TMTC1: variants seen among roughly 807,000 people sequenced by gnomAD.
TMTC1 encodes the protein transmembrane O-mannosyltransferase targeting cadherins 1.
TMTC1 carries 73 observed loss-of-function variants against 104.8 expected under a neutral mutation model. That is an observed-to-expected ratio of 0.70 (90% CI 0.58 to 0.85). The LOEUF (loss-of-function observed/expected upper bound fraction) is 0.85, where lower values mean the gene tolerates loss of function less well. Among genes scored for constraint, TMTC1 ranks in the 40% least tolerant of loss-of-function variants. TMTC1 has a pLI of 0.00. For missense variants in TMTC1, 1,035 were observed against 1,096.1 expected (o/e 0.94, Z 0.79); for synonymous variants, 434 against 428.7 (o/e 1.01, Z -0.15).
chr12:29,734,283 G>A (rs115321020), intron 5 of TMTC1, among the ~76,000 whole-genome samples: 2 of 152,274 alleles, frequency 1.3e-5, no homozygotes, highest in African/African-American at 2.4e-5. Context: ...GAAATACCCT[G>A]CTGAGTTTGC....
intron 7 of TMTC1, among the ~76,000 whole-genome samples, chr12:29,591,852 T>C (rs573256190): frequency 1.3e-5 from 2 of 152,340 alleles, no homozygotes; most frequent in South Asian, 4.1e-4. Flanking sequence ...AGCGAATTGT[T>C]GTGTAATAGT....
Position 29,739,715 on chromosome 12 carries a change from G to GT in TMTC1, c.938+11950dup, listed in dbSNP as rs202200729. Among the ~76,000 whole-genome samples the GT allele has an allele frequency of 5.5e-3, 828 of 150,506 alleles. 13 individuals are homozygous for GT. Among genetic ancestry groups the GT allele is most frequent in the African/African-American group, 0.018 (727 of 40,990 alleles). ...AAATTTTAAAAAGTCAATCTTTTTT[G>GT]TTTTTTTTTCCGAGATGGGGTCTTG... On this transcript the variant is annotated intron_variant, in intron 5 of 17. Coordinates refer to ENST00000539277, the MANE Select transcript of TMTC1 (RefSeq NM_001193451.2).
At chr12:29,648,092 A>T (rs1474701675) in intron 5 of TMTC1, among the ~76,000 whole-genome samples, 2 of 152,236 alleles carry the variant, frequency 1.3e-5, no homozygotes, top group Non-Finnish European at 2.9e-5. Flanking sequence ...AGATACTTAC[A>T]GAAACAGAAG....
Position 29,553,165 on chromosome 12 carries a change from T to C in TMTC1, c.1676+3692A>G, listed in dbSNP as rs1368386191. Among the ~76,000 whole-genome samples the C allele has an allele frequency of 2.0e-5, 3 of 152,092 alleles. No individual in the cohort carries two copies. In the East Asian group the frequency reaches 5.8e-4, roughly 29 times the overall value. ...TGGATTGGAAAGCTATTTGGGCACG[T>C]GGGTAATGGAAAGTGAACAGGAAAA... On this transcript the variant is annotated intron_variant, in intron 10 of 17. Coordinates refer to ENST00000539277, the MANE Select transcript of TMTC1 (RefSeq NM_001193451.2).
chr12:29,552,973 TCA>T (rs1305594571), intron 10 of TMTC1, among the ~76,000 whole-genome samples: 6 of 152,208 alleles, frequency 3.9e-5, no homozygotes, highest in Non-Finnish European at 8.8e-5. Context: ...GAAATAAAGC[TCA>T]GTTATCTAAG....
chr12:29,554,081 A>T (rs898573241), intron 10 of TMTC1, among the ~76,000 whole-genome samples: 1 of 152,206 alleles, frequency 6.6e-6, no homozygotes, highest in African/African-American at 2.4e-5. Context: ...TATAACCAGT[A>T]CGTTATTTGG....
chr12:29,602,773 T>C (rs1461589038), intron 7 of TMTC1, among the ~76,000 whole-genome samples: 1 of 152,224 alleles, frequency 6.6e-6, no homozygotes, highest in African/African-American at 2.4e-5. Context: ...GAGATTCCAT[T>C]TTGTTAATTG....
At chr12:29,670,945 A>AAAAAAAAAG (rs1174314218) in intron 5 of TMTC1, among the ~76,000 whole-genome samples, 6 of 107,196 alleles carry the variant, frequency 5.6e-5, no homozygotes, top group African/African-American at 3.1e-4. Flanking sequence ...AAAAAAAAAG[A>AAAAAAAAAG]AAAAAAAGGA....
intron 5 of TMTC1, among the ~76,000 whole-genome samples, chr12:29,704,276 T>C (rs779207893): frequency 1.3e-5 from 2 of 152,172 alleles, no homozygotes; most frequent in Admixed American, 1.3e-4. Flanking sequence ...TACAATAAAA[T>C]AGAAAGTTAT....
chr12:29,633,162 G>A lies in TMTC1; in HGVS notation c.1113C>T (p.Cys371=). 6.2e-7 allele frequency: 1 copy of A among 1,612,692 alleles called. No homozygotes were observed. ...AGAAAATTACCTTAAAGGCTGCTAA[G>A]CAGTGCAGGCTCAATAAGGCCATCA... ...AVVMALLSLH[C]LAAFKRLEHK... Residue 371 remains cysteine, a synonymous_variant, in exon 6 of 18, where the codon TGC becomes TGT. Coordinates refer to ENST00000539277, the MANE Select transcript of TMTC1 (RefSeq NM_001193451.2).
intron 5 of TMTC1, among the ~76,000 whole-genome samples, chr12:29,654,754 T>C (rs1591871119): frequency 6.6e-6 from 1 of 151,362 alleles, no homozygotes; most frequent in Non-Finnish European, 1.5e-5. Context: ...GGTATAGCCA[T>C]ATAATGGAAT....
rs568067798 is a variant in TMTC1 at position 29,538,953 on chromosome 12, G to C, written c.1677-2636C>G. Among the ~76,000 whole-genome samples the C allele has an allele frequency of 2.6e-5, 4 of 152,248 alleles. No individual in the cohort carries two copies. The South Asian group carries it at 8.3e-4, about 32-fold the overall frequency. On this transcript the variant is annotated intron_variant, in intron 10 of 17. Coordinates refer to ENST00000539277, the MANE Select transcript of TMTC1 (RefSeq NM_001193451.2). ...CGCTGAGTGTCATTAAGCACCAACA[G>C]GTCAGGCTAACAGACATCACATGCC... is the stretch of plus-strand genomic sequence containing the variant.
intron 10 of TMTC1, among the ~76,000 whole-genome samples, chr12:29,546,066 TGAG>T (rs1397484191): frequency 6.6e-6 from 1 of 152,154 alleles, no homozygotes; most frequent in African/African-American, 2.4e-5. Context: ...CTGCTAGTCT[TGAG>T]GAGAACACAC....
chr12:29,751,357 C>A (rs902591351), intron 5 of TMTC1, among the ~76,000 whole-genome samples: 49 of 152,206 alleles, frequency 3.2e-4, no homozygotes, highest in African/African-American at 1.0e-3. Flanking sequence ...GGAGGGAGAA[C>A]GTTCTCCTCC....
chr12:29,692,083 G>T lies in TMTC1; in HGVS notation c.939-58747C>A, dbSNP rs909987212. On this transcript the variant is annotated intron_variant, in intron 5 of 17. Coordinates refer to ENST00000539277, the MANE Select transcript of TMTC1 (RefSeq NM_001193451.2). Reference sequence around the variant, plus strand: ...AGACATTGTCATTACTCTCAACAAAGAATGTTCAAATTATTACCAATGTTT... The same window carrying T: ...AGACATTGTCATTACTCTCAACAAATAATGTTCAAATTATTACCAATGTTT... 1.5e-4 allele frequency among the ~76,000 whole-genome samples: 22 copies of T among 145,516 alleles called. 2 individuals carry two copies. The highest frequency in any genetic ancestry group is 5.5e-4 in the African/African-American group (22 of 39,778).
chr12:29,533,012 A>C (rs1412627949), intron 11 of TMTC1: 1 of 152,184 alleles, frequency 6.6e-6, no homozygotes, highest in Non-Finnish European at 1.5e-5. Flanking sequence ...TTCTTCTGCA[A>C]ACAAGGCTCT....
At chr12:29,520,529 T>C in intron 12 of TMTC1, 89 bp downstream of exon 12, 1 of 1,152,578 alleles carries the variant, frequency 8.7e-7, no homozygotes, top group South Asian at 1.3e-5. Context: ...CCAGTGAATT[T>C]TACTTCTGAG....
At chr12:29,704,285 A>T (rs1301703434) in intron 5 of TMTC1, among the ~76,000 whole-genome samples, 1 of 152,246 alleles carries the variant, frequency 6.6e-6, no homozygotes, top group Non-Finnish European at 1.5e-5. Flanking sequence ...ATAGAAAGTT[A>T]TTGCAAGTCC....
In TMTC1 at chr12:29,663,959, C is replaced by T. The variant is rs192458895; in HGVS notation, c.939-30623G>A. Among the ~76,000 whole-genome samples the T allele has an allele frequency of 5.6e-4, 85 of 152,042 alleles. 1 individual carries two copies. Among genetic ancestry groups the T allele is most frequent in the Admixed American group, 3.2e-3 (49 of 15,260 alleles). On this transcript the variant is annotated intron_variant, in intron 5 of 17. Transcript: ENST00000539277. ...CAAATAATTTATTGTTAAAATGTAGCGGCGGATCACGAGGTCAGGAGATCG... is the reference window on the plus strand; with the variant it reads ...CAAATAATTTATTGTTAAAATGTAGTGGCGGATCACGAGGTCAGGAGATCG...
Sources: gnomAD v4.1 joint callset for allele counts (sites outside exome capture counted in the v4.1 genomes callset) on GRCh38, gnomAD v4.1.1 for gene constraint, MANE v1.5 for transcripts, NCBI Gene and HGNC (gene_info 2026-07-23, HGNC 2026-07-21) for gene names.